Variants in GRIK5 observed in about 807,000 individuals in gnomAD.
GRIK5 encodes glutamate receptor ionotropic, kainate 5.
In GRIK5, 43 loss-of-function variants were observed where a neutral mutation model predicts 97.4. The ratio of observed to expected loss-of-function variants is 0.44; its 90% CI spans 0.35 to 0.57. The LOEUF is 0.57. Among genes scored for constraint, GRIK5 ranks in the 20% least tolerant of loss-of-function variants. The pLI is 0.01. For synonymous variants in GRIK5, 580 were observed against 583.5 expected, an observed-to-expected ratio of 0.99 and a Z score of 0.09; for missense variants, 1,015 against 1,382.0, an observed-to-expected ratio of 0.73 and a Z score of 4.21.
intron 15 of GRIK5, among the ~76,000 whole-genome samples, chr19:42,018,644 G>A (rs1159223773): frequency 3.3e-5 from 4 of 120,442 alleles, no homozygotes; most frequent in East Asian, 2.9e-4. Flanking sequence ...GAGCAACAAA[G>A]CAAGACTCTG....
chr19:42,002,383 T>C lies in GRIK5; in HGVS notation c.2514+949A>G, dbSNP rs1599738865. 1.4e-6 allele frequency: 1 copy of C among 717,458 alleles called. No individual in the cohort carries two copies. Among genetic ancestry groups the C allele is most frequent in the African/African-American group, 1.7e-5 (1 of 57,244 alleles). 44.4% of individuals were successfully genotyped at this position (717,458 alleles called of 1,614,324 possible). On this transcript the variant is annotated intron_variant, in intron 19 of 19. Coordinates refer to ENST00000593562, the MANE Select transcript of GRIK5 (RefSeq NM_002088.5). This position sits in a 1 kb window ranked among gnomAD's most constrained non-coding sequence, Gnocchi z 5.2. ...CTGAATCCAATAAAGAGAGGACAAC[T>C]GATGCTGCAGGAGGAAAGGACAGAC...
intron 11 of GRIK5, among the ~76,000 whole-genome samples, chr19:42,052,765 T>C (rs1251732140): frequency 1.3e-5 from 2 of 151,664 alleles, no homozygotes; most frequent in Admixed American, 6.6e-5. Flanking sequence ...CCAGGCCCTG[T>C]GGATCACCCC....
chr19:42,022,455 C>CGA lies in GRIK5; in HGVS notation c.1474-103_1474-102dup, dbSNP rs145732920. The CGA allele has an allele frequency of 6.9e-5, 96 of 1,391,280 alleles. No individual in the cohort carries two copies. Among genetic ancestry groups the CGA allele is most frequent in the East Asian group, 3.1e-4 (12 of 38,188 alleles). The allele number at this position is 1,391,280 out of a possible 1,614,324, so 86.2% of individuals were successfully genotyped here. On this transcript the variant is annotated intron_variant, in intron 12 of 19. Coordinates refer to ENST00000593562, the MANE Select transcript of GRIK5 (RefSeq NM_002088.5). The surrounding 1 kb of genome is among the most constrained non-coding windows in gnomAD (Gnocchi z 4.2). ...ACGGAGAGTGAGCAACTGAGGGAGGCGAGAGAGAGAGAGGTAGGGAGGGGG... is the reference window on the plus strand; with the variant it reads ...ACGGAGAGTGAGCAACTGAGGGAGGCGAGAGAGAGAGAGAGGTAGGGAGGGGG...
Position 42,065,334 on chromosome 19 carries a change from C to T in GRIK5, c.133G>A (p.Ala45Thr), listed in dbSNP as rs770241785. 2 of 1,610,432 alleles carry T rather than the reference C, an allele frequency of 1.2e-6. No homozygotes were observed. The highest frequency in any genetic ancestry group is 1.1e-5 in the South Asian group (1 of 90,938). The change falls in exon 3 of 20, where the codon GCC becomes ACC. Residue 45 changes from alanine (A) to threonine (T), a missense_variant. Physicochemically the swap from Ala to Thr is moderately conservative, Grantham distance 58 (BLOSUM62 0). Transcript: ENST00000593562. This position sits in a 1 kb window ranked among gnomAD's most constrained non-coding sequence, Gnocchi z 5.8. ...CCGTTGATCTGCTCCCGGGCCAAGG[C>T]CAAGGCCAGACGCTCACCGCGGCCA... ...VCGRGERLAL[A>T]LAREQINGII...
Position 42,006,622 on chromosome 19 carries a change from C to T in GRIK5, c.2037+23G>A, listed in dbSNP as rs2146018314. The T allele has an allele frequency of 6.2e-7, 1 of 1,610,618 alleles. No homozygotes were observed. The highest frequency in any genetic ancestry group is 8.5e-7 in the Non-Finnish European group (1 of 1,177,406). ...CATGGCAGGGATCCCAACACCACGCCTGAGAGGTTCTGGTGGCCCCACCTG... is the reference window on the plus strand; with the variant it reads ...CATGGCAGGGATCCCAACACCACGCTTGAGAGGTTCTGGTGGCCCCACCTG... On this transcript the variant is annotated intron_variant, in intron 16 of 19. Transcript: ENST00000593562. This position sits in a 1 kb window ranked among gnomAD's most constrained non-coding sequence, Gnocchi z 5.3.
chr19:42,065,486 G>A lies in GRIK5; in HGVS notation c.80-99C>T, dbSNP rs1414724850. ...GGGCTCTAGGGTGAGGTGGGTATACGGACCAGGGGTCTAGACACCTGGATC... is the reference window on the plus strand; with the variant it reads ...GGGCTCTAGGGTGAGGTGGGTATACAGACCAGGGGTCTAGACACCTGGATC... On this transcript the variant is annotated intron_variant, in intron 2 of 19. Coordinates refer to ENST00000593562, the MANE Select transcript of GRIK5 (RefSeq NM_002088.5). The surrounding 1 kb of genome is among the most constrained non-coding windows in gnomAD (Gnocchi z 5.8). 1.4e-5 allele frequency: 18 copies of A among 1,266,232 alleles called. No individual in the cohort carries two copies. The highest frequency in any genetic ancestry group is 7.1e-5 in the South Asian group (5 of 69,982). 78.4% of individuals were successfully genotyped at this position (1,266,232 alleles called of 1,614,324 possible). A position where few individuals can be genotyped will look rare whatever the true frequency, so the allele number is the denominator to read the frequency against.
In GRIK5 at chr19:42,062,184, C is replaced by T. The variant is rs1221380549; in HGVS notation, c.508+304G>A. On this transcript the variant is annotated intron_variant, in intron 5 of 19. Transcript: ENST00000593562. This position sits in a 1 kb window ranked among gnomAD's most constrained non-coding sequence, Gnocchi z 5.3. ...CACATACCACTCTGTATCACAACAG[C>T]TCAATGACCAATGACCTCCACTAGA... Among the ~76,000 whole-genome samples the T allele has an allele frequency of 6.6e-6, 1 of 152,228 alleles. No homozygotes were observed. The highest frequency in any genetic ancestry group is 1.5e-5 in the Non-Finnish European group (1 of 68,040).
chr19:42,019,714 T>G (rs749365379), intron 15 of GRIK5, among the ~76,000 whole-genome samples: 5 of 152,206 alleles, frequency 3.3e-5, no homozygotes, highest in Non-Finnish European at 7.3e-5. Flanking sequence ...GATCCTATGC[T>G]GCTGGTTCTG....
At chr19:42,037,590 C>A (rs2075923866) in intron 12 of GRIK5, among the ~76,000 whole-genome samples, 1 of 152,198 alleles carries the variant, frequency 6.6e-6, no homozygotes, top group African/African-American at 2.4e-5. Context: ...CACTGGGGAC[C>A]TGAAGCTGGC....
At chr19:42,025,387 G>C (rs900959418) in intron 12 of GRIK5, among the ~76,000 whole-genome samples, 5 of 152,124 alleles carry the variant, frequency 3.3e-5, no homozygotes, top group Non-Finnish European at 7.4e-5. Context: ...TCCATGGCTG[G>C]GGGTGTCTGA....
At chr19:42,000,513 A>G (rs2075415348) in intron 19 of GRIK5, among the ~76,000 whole-genome samples, 1 of 152,232 alleles carries the variant, frequency 6.6e-6, no homozygotes, top group Non-Finnish European at 1.5e-5. Context: ...ACAGGTGGGC[A>G]GAAGCCCAAT....
intron 12 of GRIK5, among the ~76,000 whole-genome samples, chr19:42,025,829 C>T (rs969611226): frequency 7.9e-5 from 12 of 152,162 alleles, no homozygotes; most frequent in Non-Finnish European, 1.2e-4. Flanking sequence ...GATTCTGCAA[C>T]GGGCTGGGCA....
chr19:41,999,339 G>C lies in GRIK5; in HGVS notation c.2515-40C>G. 7.0e-7 allele frequency: 1 copy of C among 1,422,348 alleles called. No homozygotes were observed. The highest frequency in any genetic ancestry group is 9.3e-7 in the Non-Finnish European group (1 of 1,072,094). 88.1% of individuals were successfully genotyped at this position (1,422,348 alleles called of 1,614,324 possible). A position where few individuals can be genotyped will look rare whatever the true frequency, so the allele number is the denominator to read the frequency against. ...GGCGGTCACCGTCCCGGCGCAGTCC[G>C]CCTCCCGCCTCCCCCAGCCCCTCTC... On this transcript the variant is annotated intron_variant, in intron 19 of 19. Transcript: ENST00000593562. This position sits in a 1 kb window ranked among gnomAD's most constrained non-coding sequence, Gnocchi z 5.0.
At position 42,021,881 on chromosome 19, in the gene GRIK5, TCG is replaced by T; in HGVS notation, c.1697+64_1697+65del. The T allele has an allele frequency of 1.0e-6, 1 of 997,206 alleles. No homozygotes were observed. Among genetic ancestry groups the T allele is most frequent in the Non-Finnish European group, 1.5e-6 (1 of 646,604 alleles). The allele number at this position is 997,206 out of a possible 1,614,324, so 61.8% of individuals were successfully genotyped here. ...ACAGTTCCGAGAGAGAAGAGGCAGGTCGGTCCCAGAGGCCTCGGCTCGTGCCT... is the reference window on the plus strand; with the variant it reads ...ACAGTTCCGAGAGAGAAGAGGCAGGTGTCCCAGAGGCCTCGGCTCGTGCCT... On this transcript the variant is annotated intron_variant, in intron 14 of 19. Transcript: ENST00000593562. The surrounding 1 kb of genome is among the most constrained non-coding windows in gnomAD (Gnocchi z 4.2).
intron 17 of GRIK5, among the ~76,000 whole-genome samples, 171 bp downstream of exon 17, chr19:42,005,552 G>C (rs1183708868): frequency 3.3e-5 from 5 of 152,312 alleles, no homozygotes; most frequent in African/African-American, 1.2e-4. Context: ...TGCAGGTTGG[G>C]GGTACAGAGG....
At chr19:42,053,112 G>C (rs2076137618) in intron 11 of GRIK5, among the ~76,000 whole-genome samples, 2 of 152,160 alleles carry the variant, frequency 1.3e-5, no homozygotes, top group Non-Finnish European at 2.9e-5. Flanking sequence ...CTGGTGCTTG[G>C]GTACTGAGAG....
Position 42,062,516 on chromosome 19 carries a change from C to A in GRIK5, c.480G>T (p.Ser160=). Residue 160 remains serine, a synonymous_variant, in exon 5 of 20, where the codon TCG becomes TCT. Coordinates refer to ENST00000593562, the MANE Select transcript of GRIK5 (RefSeq NM_002088.5). The surrounding 1 kb of genome is among the most constrained non-coding windows in gnomAD (Gnocchi z 5.3). ...SRILKSFNYP[S]ASLICAKAEC... is the part of the protein sequence containing the mutation. ...CAGCCTTGGCGCAGATGAGGCTGGC[C>A]GAGGGGTAGTTGAAGGACTTGAGGA... 1 of 1,614,062 alleles carries A rather than the reference C, an allele frequency of 6.2e-7. No homozygotes were observed. Among genetic ancestry groups the A allele is most frequent in the Non-Finnish European group, 8.5e-7 (1 of 1,180,002 alleles).
Position 42,002,658 on chromosome 19 carries a change from G to C in GRIK5, c.2514+674C>G, listed in dbSNP as rs1411986445. ...CAGCAGTCCAGGGGTGCAAGAGCAC[G>C]AATGGGTCTGGAAATGCAGGGGTGT... On this transcript the variant is annotated intron_variant, in intron 19 of 19. Transcript: ENST00000593562. The surrounding 1 kb of genome is among the most constrained non-coding windows in gnomAD (Gnocchi z 5.2). 8.1e-6 allele frequency: 5 copies of C among 616,832 alleles called. No individual in the cohort carries two copies. The highest frequency in any genetic ancestry group is 2.9e-6 in the Non-Finnish European group (1 of 344,276). 38.2% of individuals were successfully genotyped at this position (616,832 alleles called of 1,614,324 possible).
intron 12 of GRIK5, among the ~76,000 whole-genome samples, chr19:42,036,744 C>CT (rs984278338): frequency 1.3e-5 from 2 of 152,226 alleles, no homozygotes; most frequent in Admixed American, 1.3e-4. Flanking sequence ...CCATTCAACA[C>CT]TAATTTACTA....
Sources: allele counts gnomAD v4.1 joint callset (sites outside exome capture counted in the v4.1 genomes callset), GRCh38; gene constraint gnomAD v4.1.1; non-coding constraint Gnocchi (gnomAD v3.1); transcripts MANE v1.5; gene names NCBI Gene and HGNC (gene_info 2026-07-23, HGNC 2026-07-21).